AFM: variants seen among roughly 807,000 people sequenced by gnomAD.
AFM encodes the protein alpha-Alb.
A neutral mutation model predicts 68.7 loss-of-function variants in AFM; 82 were observed. The observed-to-expected ratio is 1.19, with a 90% CI of 1.00 to 1.43. The LOEUF is 1.43. AFM is among the 40% of genes most tolerant of loss of function. The pLI, the probability that AFM is intolerant of heterozygous loss-of-function variation, is 0.00. For missense variants in AFM, 772 were observed against 701.8 expected, an observed-to-expected ratio of 1.10 and a Z score of -1.13; for synonymous variants, 250 against 234.2, an observed-to-expected ratio of 1.07 and a Z score of -0.61.
intron 8 of AFM, among the ~76,000 whole-genome samples, chr4:73,494,216 G>A (rs199809499): frequency 6.6e-6 from 1 of 151,940 alleles, no homozygotes; most frequent in East Asian, 1.9e-4. Context: ...AATTGAAAAA[G>A]CAAATGGGAA....
intron 11 of AFM, 135 bp from the exon 12 acceptor site, chr4:73,499,869 T>TGTC: frequency 1.4e-6 from 1 of 708,372 alleles, no homozygotes; most frequent in South Asian, 1.9e-5. Context: ...TATAGGGATA[T>TGTC]GTCATGAGTG....
At position 73,487,757 on chromosome 4, in the gene AFM, T is replaced by A. The variant is rs1406069701; in HGVS notation, c.649T>A (p.Ser217Thr). Residue 217 changes from serine to threonine, a missense_variant, in exon 6 of 15, where the codon TCT (serine) becomes ACT (threonine). By Grantham distance (58) the Ser-to-Thr change is moderately conservative. Coordinates refer to ENST00000226355, the MANE Select transcript of AFM (RefSeq NM_001133.2). ...TGTCACACAATATTTAAAAGCATTT[T>A]CTTCTTATCAAAAACATGTCTGTGG... ...IPVTQYLKAF[S>T]SYQKHVCGAL... 1 of 1,613,116 alleles carries A rather than the reference T, an allele frequency of 6.2e-7. No homozygotes were observed. The highest frequency in any genetic ancestry group is 1.1e-5 in the South Asian group (1 of 91,034).
chr4:73,494,588 A>G (rs772867633), intron 8 of AFM, among the ~76,000 whole-genome samples: 2 of 152,194 alleles, frequency 1.3e-5, no homozygotes, highest in African/African-American at 2.4e-5. Context: ...GTAAAACAGT[A>G]CATATTTTGG....
intron 3 of AFM, among the ~76,000 whole-genome samples, chr4:73,485,558 G>GAAA (rs1720868051): frequency 6.8e-6 from 1 of 148,140 alleles, no homozygotes; most frequent in African/African-American, 2.5e-5. Flanking sequence ...AGGAGAAGGA[G>GAAA]GAGAAGGAGA....
At chr4:73,496,778 T>C (rs369699396) in intron 9 of AFM, among the ~76,000 whole-genome samples, 2 of 152,354 alleles carry the variant, frequency 1.3e-5, no homozygotes, top group African/African-American at 4.8e-5. Context: ...TTAGTGTTTT[T>C]CATATAAATT....
intron 1 of AFM, among the ~76,000 whole-genome samples, chr4:73,483,324 C>A (rs769628918): frequency 3.9e-4 from 59 of 152,182 alleles, no homozygotes; most frequent in Non-Finnish European, 7.3e-5. Context: ...AGCTTAGGAA[C>A]CTGATGTCAA....
chr4:73,487,156 C>A, intron 5 of AFM, 57 bp downstream of exon 5: 1 of 1,570,894 alleles, frequency 6.4e-7, no homozygotes, highest in Non-Finnish European at 8.7e-7. Flanking sequence ...ACCACAGATC[C>A]AGACCCTGAC....
At chr4:73,500,385 TA>T (rs1308115874) in intron 12 of AFM, among the ~76,000 whole-genome samples, 158 bp downstream of exon 12, 1 of 121,496 alleles carries the variant, frequency 8.2e-6, no homozygotes, top group Non-Finnish European at 1.6e-5. Context: ...TACAAGTGCA[TA>T]TTTTTTTTTT....
intron 8 of AFM, among the ~76,000 whole-genome samples, chr4:73,493,015 G>T (rs987914943): frequency 6.6e-6 from 1 of 152,020 alleles, no homozygotes; most frequent in Non-Finnish European, 1.5e-5. Flanking sequence ...TAATGCAGGG[G>T]AACAGAAGAA....
At chr4:73,499,783 G>A (rs1323601391) in intron 11 of AFM, among the ~76,000 whole-genome samples, 1 of 152,058 alleles carries the variant, frequency 6.6e-6, no homozygotes, top group Non-Finnish European at 1.5e-5. Flanking sequence ...AAATTAATTT[G>A]TAGGCATCTA....
At chr4:73,491,744 A>G in intron 7 of AFM, 128 bp from the exon 8 acceptor site, 1 of 821,654 alleles carries the variant, frequency 1.2e-6, no homozygotes, top group Non-Finnish European at 2.0e-6. Flanking sequence ...AACAAATATT[A>G]TCTAGCAAAT....
intron 6 of AFM, among the ~76,000 whole-genome samples, 159 bp from the exon 7 acceptor site, chr4:73,488,471 G>A (rs186403376): frequency 1.3e-5 from 2 of 152,194 alleles, no homozygotes; most frequent in Admixed American, 1.3e-4. Context: ...GATCATGTAG[G>A]CTGTGCACCA....
At chr4:73,495,495 T>C in intron 9 of AFM, 63 bp downstream of exon 9, 1 of 1,576,860 alleles carries the variant, frequency 6.3e-7, no homozygotes, top group Non-Finnish European at 8.6e-7. Flanking sequence ...ACTTAAAAAT[T>C]GATATCAGAG....
At chr4:73,500,878 A>G (rs767847224) in intron 12 of AFM, among the ~76,000 whole-genome samples, 8 of 152,090 alleles carry the variant, frequency 5.3e-5, no homozygotes, top group African/African-American at 7.2e-5. Flanking sequence ...ACACTCTTGT[A>G]TTTTCCAGTC....
In AFM at chr4:73,481,846, C is replaced by T. The variant is rs763039992; in HGVS notation, c.71C>T (p.Thr24Ile). The T allele has an allele frequency of 6.2e-7, 1 of 1,605,692 alleles. No homozygotes were observed. Among genetic ancestry groups the T allele is most frequent in the South Asian group, 1.1e-5 (1 of 89,390 alleles). ...TTGACTGAATCCCTAACCCTGCCCACACAACCTCGGGATATAGGTAAGAAA... is the reference window on the plus strand; with the variant it reads ...TTGACTGAATCCCTAACCCTGCCCATACAACCTCGGGATATAGGTAAGAAA... ...FFLTESLTLP[T>I]QPRDIENFNS... Residue 24 changes from threonine to isoleucine, a missense_variant, in exon 1 of 15, where the codon ACA (threonine) becomes ATA (isoleucine). Physicochemically the swap from Thr to Ile is moderately conservative, Grantham distance 89. Transcript: ENST00000226355.
At chr4:73,494,293 G>A (rs1198533115) in intron 8 of AFM, among the ~76,000 whole-genome samples, 1 of 152,072 alleles carries the variant, frequency 6.6e-6, no homozygotes, top group Admixed American at 6.6e-5. Context: ...AAATAGGGGT[G>A]GGGAGGGGAT....
Position 73,486,009 on chromosome 4 carries a change from C to T in AFM, c.418C>T (p.Pro140Ser), listed in dbSNP as rs763336554. Reference sequence around the variant, plus strand: ...TGATGTGGGATTTCTGCCTCCTTTCCCTACCCTGGATCCCGAAGAGAAATG... The same window carrying T: ...TGATGTGGGATTTCTGCCTCCTTTCTCTACCCTGGATCCCGAAGAGAAATG... ...KSDVGFLPPF[P>S]TLDPEEKCQA... Residue 140 changes from proline to serine, a missense_variant, in exon 4 of 15, where the codon CCT becomes TCT. Physicochemically the swap from Pro to Ser is moderately conservative, Grantham distance 74 (BLOSUM62 -1). Coordinates refer to ENST00000226355, the MANE Select transcript of AFM (RefSeq NM_001133.2). 3 of 1,613,958 alleles carry T rather than the reference C, an allele frequency of 1.9e-6. No individual in the cohort carries two copies. The African/African-American group carries it at 4.0e-5, about 22-fold the overall frequency.
intron 1 of AFM, among the ~76,000 whole-genome samples, 172 bp downstream of exon 1, chr4:73,482,035 TG>T (rs1720728781): frequency 6.6e-6 from 1 of 152,254 alleles, no homozygotes; most frequent in East Asian, 1.9e-4. Flanking sequence ...TTTATTTTGA[TG>T]GTAATTTTTA....
At chr4:73,490,925 C>T (rs1412601652) in intron 7 of AFM, among the ~76,000 whole-genome samples, 1 of 152,078 alleles carries the variant, frequency 6.6e-6, no homozygotes, top group Non-Finnish European at 1.5e-5. Flanking sequence ...GGTGCCGATC[C>T]CCATTTTATT....
Sources: gnomAD v4.1 joint callset for allele counts (sites outside exome capture counted in the v4.1 genomes callset) on GRCh38, gnomAD v4.1.1 for gene constraint, MANE v1.5 for transcripts, NCBI Gene and HGNC (gene_info 2026-07-23, HGNC 2026-07-21) for gene names.